CFAP44: variants seen among roughly 807,000 people sequenced by gnomAD.
CFAP44 encodes cilia- and flagella-associated protein 44.
CFAP44 carries 134 observed loss-of-function variants against 216.2 expected under a neutral mutation model. The ratio of observed to expected loss-of-function variants is 0.62; its 90% CI spans 0.54 to 0.72. The LOEUF (loss-of-function observed/expected upper bound fraction) is 0.72, where lower values mean the gene tolerates loss of function less well. Among genes scored for constraint, CFAP44 ranks in the 30% least tolerant of loss-of-function variants. The pLI is 0.00. For synonymous variants in CFAP44, 700 were observed against 727.6 expected (o/e 0.96, Z 0.61); for missense variants, 2,035 against 2,182.1 (o/e 0.93, Z 1.34).
intron 28 of CFAP44, among the ~76,000 whole-genome samples, chr3:113,314,292 CACATTAACTATAGGGGAT>C (rs913931788): frequency 6.6e-6 from 1 of 152,072 alleles, no homozygotes; most frequent in Non-Finnish European, 1.5e-5. Context: ...AGAAAAGTGA[CACATTAACTATAGGGGAT>C]ACACAACTTG....
intron 1 of CFAP44, among the ~76,000 whole-genome samples, chr3:113,435,854 T>C (rs1284569236): frequency 7.8e-6 from 1 of 128,116 alleles, no homozygotes; most frequent in East Asian, 2.6e-4. Context: ...AAAAAGTGTA[T>C]GTACGTGTGT....
intron 15 of CFAP44, among the ~76,000 whole-genome samples, chr3:113,392,970 C>T (rs1323679019): frequency 1.3e-5 from 2 of 152,200 alleles, no homozygotes; most frequent in Admixed American, 6.5e-5. Context: ...TGCCCCTGAC[C>T]TGGCTCCCTT....
rs2107393010 is a variant in CFAP44 at position 113,420,191 on chromosome 3, T to C, written c.408-12A>G. On this transcript the variant is annotated splice_polypyrimidine_tract_variant and intron_variant, in intron 4 of 34. Coordinates refer to ENST00000393845, the MANE Select transcript of CFAP44 (RefSeq NM_001164496.2). ...AACCAAAAGAATGTCTGAGGGAAAGTTGCTAAGGAAAAGAAGTGAAAAACA... is the reference window on the plus strand; with the variant it reads ...AACCAAAAGAATGTCTGAGGGAAAGCTGCTAAGGAAAAGAAGTGAAAAACA... 1 of 1,604,204 alleles carries C rather than the reference T, an allele frequency of 6.2e-7. No homozygotes were observed. Among genetic ancestry groups the C allele is most frequent in the Non-Finnish European group, 8.5e-7 (1 of 1,175,092 alleles).
At chr3:113,339,889 G>A (rs530218657) in intron 24 of CFAP44, among the ~76,000 whole-genome samples, 2 of 152,350 alleles carry the variant, frequency 1.3e-5, no homozygotes, top group Non-Finnish European at 2.9e-5. Context: ...GGCAAAAAGA[G>A]GAGAGAGTCT....
intron 22 of CFAP44, among the ~76,000 whole-genome samples, chr3:113,351,194 T>TTATTAA (rs1950441913): frequency 6.6e-6 from 1 of 152,244 alleles, no homozygotes; most frequent in African/African-American, 2.4e-5. Context: ...GAACGAGATC[T>TTATTAA]TATTAATAGC....
At chr3:113,394,334 C>T (rs994542818) in intron 15 of CFAP44, among the ~76,000 whole-genome samples, 2 of 152,180 alleles carry the variant, frequency 1.3e-5, no homozygotes, top group African/African-American at 4.8e-5. Flanking sequence ...CCACCCCAAC[C>T]CCTGCCAAAT....
At chr3:113,379,029 C>T (rs1283497154) in intron 17 of CFAP44, among the ~76,000 whole-genome samples, 2 of 152,074 alleles carry the variant, frequency 1.3e-5, no homozygotes, top group African/African-American at 4.8e-5. Flanking sequence ...GTATGATTGA[C>T]AAGCAGATAA....
rs1408783711 is a variant in CFAP44, at chr3:113,379,538, A to G, written c.2066T>C (p.Ile689Thr). ...VKSKILRLIE[I>T]EKRERQRELK... The stretch of plus-strand genomic sequence containing the variant: ...CTCCCTTTGTCTCTCCCTCTTTTCA[A>G]TTTCTATTAATCTCTTTTAAAATAA... Residue 689 changes from isoleucine (I) to threonine (T), a missense_variant, in exon 17 of 35, where the codon ATT becomes ACT. Transcript: ENST00000393845. The G allele has an allele frequency of 6.3e-7, 1 of 1,583,710 alleles. No homozygotes were observed. Among genetic ancestry groups the G allele is most frequent in the Non-Finnish European group, 8.7e-7 (1 of 1,156,052 alleles).
intron 18 of CFAP44, among the ~76,000 whole-genome samples, chr3:113,370,988 T>G (rs530594572): frequency 1.3e-5 from 2 of 152,082 alleles, no homozygotes; most frequent in African/African-American, 4.8e-5. Context: ...CAATTGGTAC[T>G]AAGAGAATAA....
chr3:113,403,840 G>C lies in CFAP44; in HGVS notation c.1170+12C>G, dbSNP rs373544294. The stretch of plus-strand genomic sequence containing the variant: ...ACGTGGGTGCTACCATCCAAGTATC[G>C]AGAAAACTTACCCTAACATATCCAT... On this transcript the variant is annotated intron_variant, in intron 9 of 34. Transcript: ENST00000393845. 2 of 1,608,496 alleles carry C rather than the reference G, an allele frequency of 1.2e-6. No individual in the cohort carries two copies. Among genetic ancestry groups the C allele is most frequent in the Non-Finnish European group, 1.7e-6 (2 of 1,176,788 alleles).
chr3:113,408,731 T>C (rs919021395), intron 7 of CFAP44, among the ~76,000 whole-genome samples: 1 of 151,744 alleles, frequency 6.6e-6, no homozygotes, highest in African/African-American at 2.4e-5. Flanking sequence ...AGCGTTGTGG[T>C]GGGTGCCTGT....
chr3:113,291,574 G>T lies in CFAP44; in HGVS notation c.5548C>A (p.Gln1850Lys). Residue 1850 changes from glutamine (Q) to lysine (K), a missense_variant, in exon 35 of 35, where the codon CAG becomes AAG. Transcript: ENST00000393845. ...TAGCAAACTCAAAGGTCTGCGGGCTGTATCTCTTTCTCTCGTGGAGACTGA... is the reference window on the plus strand; with the variant it reads ...TAGCAAACTCAAAGGTCTGCGGGCTTTATCTCTTTCTCTCGTGGAGACTGA... ...PIQSPREKEI[Q>K]PADL The T allele has an allele frequency of 1.3e-6, 2 of 1,537,172 alleles. 1 individual carries two copies. The highest frequency in any genetic ancestry group is 2.7e-5 in the African/African-American group (2 of 73,162).
chr3:113,323,053 G>C (rs1196310415), intron 28 of CFAP44, among the ~76,000 whole-genome samples: 2 of 152,182 alleles, frequency 1.3e-5, no homozygotes, highest in African/African-American at 4.8e-5. Context: ...CATGAGAATA[G>C]CAGCATGAGG....
At chr3:113,406,676 T>G (rs35457098) in intron 8 of CFAP44, among the ~76,000 whole-genome samples, 1,741 of 151,840 alleles carry the variant, frequency 0.011, 18 homozygotes, top group Non-Finnish European at 0.017. Flanking sequence ...ATGAAAATGC[T>G]CACATACTTT....
intron 7 of CFAP44, 123 bp from the exon 8 acceptor site, chr3:113,407,164 C>T (rs1049636888): frequency 1.0e-5 from 8 of 773,448 alleles, no homozygotes; most frequent in African/African-American, 3.5e-5. Context: ...ATTCATTTAT[C>T]TGATTAAGAT....
At chr3:113,362,746 G>T in intron 21 of CFAP44, 1 of 352,286 alleles carries the variant, frequency 2.8e-6, no homozygotes, top group South Asian at 6.3e-5. Context: ...GATCAAATCG[G>T]GATGACGTTT....
intron 33 of CFAP44, 143 bp from the exon 34 acceptor site, chr3:113,294,964 T>C: frequency 9.7e-7 from 1 of 1,031,190 alleles, no homozygotes. Flanking sequence ...AATATGAAAA[T>C]GCAACACAAA....
intron 6 of CFAP44, among the ~76,000 whole-genome samples, chr3:113,410,615 C>T (rs1445554923): frequency 6.6e-6 from 1 of 152,158 alleles, no homozygotes; most frequent in Non-Finnish European, 1.5e-5. Flanking sequence ...CATACATGTG[C>T]ATGTGTCTTT....
intron 34 of CFAP44, among the ~76,000 whole-genome samples, chr3:113,292,061 G>A (rs111553550): frequency 0.026 from 3,885 of 152,070 alleles, 176 homozygotes; most frequent in African/African-American, 0.089. Context: ...TCTTTTTCTG[G>A]ACAGCCCATA....
Sources: gnomAD v4.1 joint callset for allele counts (sites outside exome capture counted in the v4.1 genomes callset) on GRCh38, gnomAD v4.1.1 for gene constraint, MANE v1.5 for transcripts, NCBI Gene and HGNC (gene_info 2026-07-23, HGNC 2026-07-21) for gene names.